The following WDFY2 variants were observed in gnomAD, a reference collection of about 807,000 sequenced individuals.
WDFY2 encodes WD repeat and FYVE domain-containing protein 2.
In WDFY2, 36 loss-of-function variants were observed where a neutral mutation model predicts 56.4. The ratio of observed to expected loss-of-function variants is 0.64; its 90% CI spans 0.49 to 0.84. The LOEUF (loss-of-function observed/expected upper bound fraction) is 0.84. Ranked by LOEUF, WDFY2 falls within the 40% of genes least tolerant of loss-of-function variation. The probability of loss-of-function intolerance (pLI) is 0.00; values close to 1 mark genes in which losing one functional copy is unlikely to be tolerated. For missense variants in WDFY2, 444 were observed against 512.2 expected (o/e 0.87, Z 1.29); for synonymous variants, 176 against 183.7 (o/e 0.96, Z 0.34).
chr13:51,720,201 C>A (rs1455605145), intron 5 of WDFY2, among the ~76,000 whole-genome samples: 1 of 152,182 alleles, frequency 6.6e-6, no homozygotes, highest in Non-Finnish European at 1.5e-5. Context: ...AATGCCTATT[C>A]AGTGATTCGC....
intron 1 of WDFY2, among the ~76,000 whole-genome samples, chr13:51,597,238 T>G (rs1397421930): frequency 6.6e-6 from 1 of 152,192 alleles, no homozygotes; most frequent in Non-Finnish European, 1.5e-5. Flanking sequence ...GAACAAACGG[T>G]TGAGTTCTTG....
intron 2 of WDFY2, among the ~76,000 whole-genome samples, chr13:51,665,444 C>G (rs977491805): frequency 2.0e-5 from 3 of 152,200 alleles, no homozygotes; most frequent in Non-Finnish European, 4.4e-5. Flanking sequence ...TCAACCACCA[C>G]AGTTGGATCA....
intron 3 of WDFY2, among the ~76,000 whole-genome samples, chr13:51,696,359 T>C (rs541808105): frequency 3.0e-4 from 45 of 152,372 alleles, no homozygotes; most frequent in Admixed American, 6.5e-4. Context: ...GATTTTTCTT[T>C]TTTGCTATTA....
At chr13:51,674,671 G>A (rs76672537) in intron 2 of WDFY2, among the ~76,000 whole-genome samples, 2 of 152,134 alleles carry the variant, frequency 1.3e-5, no homozygotes, top group Non-Finnish European at 2.9e-5. Context: ...TAATTCACAC[G>A]CCCCGAATCA....
At chr13:51,744,522 A>G (rs1185323785) in intron 7 of WDFY2, among the ~76,000 whole-genome samples, 5 of 152,176 alleles carry the variant, frequency 3.3e-5, no homozygotes, top group African/African-American at 1.2e-4. Context: ...TTCTTAATCA[A>G]GTTTTTTAAA....
intron 6 of WDFY2, among the ~76,000 whole-genome samples, chr13:51,738,310 A>G (rs1208073682): frequency 6.6e-6 from 1 of 152,204 alleles, no homozygotes; most frequent in Non-Finnish European, 1.5e-5. Context: ...CTATTATAAT[A>G]TTTTATAGCC....
At chr13:51,614,522 C>A (rs576161480) in intron 1 of WDFY2, among the ~76,000 whole-genome samples, 1 of 152,180 alleles carries the variant, frequency 6.6e-6, no homozygotes, top group Non-Finnish European at 1.5e-5. Flanking sequence ...ATTCAGCCAT[C>A]CTTAGTGATC....
chr13:51,616,370 G>A (rs1003319438), intron 1 of WDFY2, among the ~76,000 whole-genome samples: 24 of 152,222 alleles, frequency 1.6e-4, no homozygotes, highest in Admixed American at 1.2e-3. Context: ...CTGGAATAAT[G>A]AACAATCTGA....
chr13:51,587,894 A>C (rs1953974675), intron 1 of WDFY2: 1 of 152,206 alleles, frequency 6.6e-6, no homozygotes, highest in South Asian at 2.1e-4. Context: ...TCAAATCTTC[A>C]AGCCCAAGAG....
At chr13:51,604,780 T>C (rs1464430369) in intron 1 of WDFY2, among the ~76,000 whole-genome samples, 1 of 152,118 alleles carries the variant, frequency 6.6e-6, no homozygotes, top group Admixed American at 6.5e-5. Context: ...GTGGATAGAG[T>C]GTCAGGGGAC....
chr13:51,675,130 A>G, intron 2 of WDFY2, 40 bp from the exon 3 acceptor site: 2 of 1,598,538 alleles, frequency 1.3e-6, no homozygotes, highest in African/African-American at 1.3e-5. Context: ...GATGAGAATC[A>G]TGGTTTTGTT....
intron 3 of WDFY2, among the ~76,000 whole-genome samples, chr13:51,695,974 C>T (rs550743104): frequency 5.5e-4 from 84 of 152,354 alleles, no homozygotes; most frequent in Non-Finnish European, 9.8e-4. Flanking sequence ...GTAGGACCCT[C>T]CGAGCCAGGT....
At chr13:51,662,587 C>T (rs1209304676) in intron 2 of WDFY2, among the ~76,000 whole-genome samples, 1 of 152,174 alleles carries the variant, frequency 6.6e-6, no homozygotes, top group African/African-American at 2.4e-5. Context: ...TTGGTGTCAT[C>T]CTGTAATGCT....
intron 7 of WDFY2, among the ~76,000 whole-genome samples, chr13:51,740,295 G>A (rs907072907): frequency 2.0e-5 from 3 of 152,204 alleles, no homozygotes; most frequent in Admixed American, 2.0e-4. Flanking sequence ...CTCCTGGCTT[G>A]TGGGGCCACT....
chr13:51,648,387 G>A (rs1189763730), intron 1 of WDFY2, among the ~76,000 whole-genome samples: 7 of 152,190 alleles, frequency 4.6e-5, no homozygotes, highest in East Asian at 1.9e-4. Context: ...CATGGCCATA[G>A]GGAGAGATTT....
At chr13:51,617,885 A>T (rs1593884732) in intron 1 of WDFY2, among the ~76,000 whole-genome samples, 1 of 152,224 alleles carries the variant, frequency 6.6e-6, no homozygotes, top group Admixed American at 6.5e-5. Context: ...CAAAAAGCTA[A>T]GTCATTTTCA....
At chr13:51,640,311 G>A (rs1432729750) in intron 1 of WDFY2, among the ~76,000 whole-genome samples, 1 of 152,132 alleles carries the variant, frequency 6.6e-6, no homozygotes, top group East Asian at 1.9e-4. Flanking sequence ...ACAGTTTCTT[G>A]TGGGCAATTT....
intron 3 of WDFY2, among the ~76,000 whole-genome samples, chr13:51,688,477 C>G (rs1956097768): frequency 6.6e-6 from 1 of 152,036 alleles, no homozygotes; most frequent in Non-Finnish European, 1.5e-5. Context: ...AGAGACAGAT[C>G]CACATTTTAA....
chr13:51,679,147 C>T (rs962909536), intron 3 of WDFY2, among the ~76,000 whole-genome samples: 2 of 152,104 alleles, frequency 1.3e-5, no homozygotes, highest in Non-Finnish European at 2.9e-5. Flanking sequence ...TGGATCGTAA[C>T]ATGGAAGATT....
Sources: allele counts gnomAD v4.1 joint callset (sites outside exome capture counted in the v4.1 genomes callset), GRCh38; gene constraint gnomAD v4.1.1; transcripts MANE v1.5; gene names NCBI Gene and HGNC (gene_info 2026-07-23, HGNC 2026-07-21).